OSBPL5: variants seen among roughly 807,000 people sequenced by gnomAD.
OSBPL5 encodes the protein oxysterol binding protein like 5.
A neutral mutation model predicts 111.2 loss-of-function variants in OSBPL5; 71 were observed. The observed-to-expected ratio is 0.64, with a 90% CI of 0.53 to 0.78. The LOEUF is 0.78. OSBPL5 is among the 30% of genes least tolerant of loss of function. The probability of loss-of-function intolerance (pLI) is 0.00; values close to 1 mark genes in which losing one functional copy is unlikely to be tolerated. For synonymous variants in OSBPL5, 549 were observed against 513.9 expected, an observed-to-expected ratio of 1.07 and a Z score of -0.93; for missense variants, 1,210 against 1,189.3, an observed-to-expected ratio of 1.02 and a Z score of -0.26.
At chr11:3,093,321 G>A (rs1857129520) in intron 17 of OSBPL5, 2 of 864,180 alleles carry the variant, frequency 2.3e-6, no homozygotes, top group East Asian at 2.7e-5. Context: ...GAGAGGTCAC[G>A]GCAGCCGGCT....
At position 3,113,706 on chromosome 11, in the gene OSBPL5, T is replaced by C. The variant is rs1858094535; in HGVS notation, c.692-5761A>G. Among the ~76,000 whole-genome samples the C allele has an allele frequency of 1.3e-5, 2 of 152,186 alleles. No homozygotes were observed. The highest frequency in any genetic ancestry group is 4.8e-5 in the African/African-American group (2 of 41,440). On this transcript the variant is annotated intron_variant, in intron 7 of 21. Transcript: ENST00000263650. This position sits in a 1 kb window ranked among gnomAD's most constrained non-coding sequence, Gnocchi z 4.8. Reference sequence around the variant, plus strand: ...AATAAAAATAGCTACATCTTAAATTTAGTAAGATTACCATAACTTCTAATC... The same window carrying C: ...AATAAAAATAGCTACATCTTAAATTCAGTAAGATTACCATAACTTCTAATC...
At position 3,113,242 on chromosome 11, in the gene OSBPL5, G is replaced by T. The variant is rs568796097; in HGVS notation, c.692-5297C>A. Among the ~76,000 whole-genome samples, 1 of 152,250 alleles carries T rather than the reference G, an allele frequency of 6.6e-6. No homozygotes were observed. Among genetic ancestry groups the T allele is most frequent in the South Asian group, 2.1e-4 (1 of 4,820 alleles). On this transcript the variant is annotated intron_variant, in intron 7 of 21. Coordinates refer to ENST00000263650, the MANE Select transcript of OSBPL5 (RefSeq NM_020896.4). The surrounding 1 kb of genome is among the most constrained non-coding windows in gnomAD (Gnocchi z 4.8). The stretch of plus-strand genomic sequence containing the variant: ...TAATATTAGAAATGTCTTAAGAATT[G>T]CCAGCATATATTTTTGTTTGCATTT...
rs1373657655 is a variant in OSBPL5 at position 3,146,870 on chromosome 11, T to C, written c.-21-17701A>G. On this transcript the variant is annotated intron_variant, in intron 1 of 21. Transcript: ENST00000263650. This position sits in a 1 kb window ranked among gnomAD's most constrained non-coding sequence, Gnocchi z 7.8. The stretch of plus-strand genomic sequence containing the variant: ...CTGGAGCTGGCGTTTCTATTTATGA[T>C]TCGCCTCTCACGCCCCTTCCCAGCA... Among the ~76,000 whole-genome samples, 1 of 152,158 alleles carries C rather than the reference T, an allele frequency of 6.6e-6. No homozygotes were observed. The highest frequency in any genetic ancestry group is 1.5e-5 in the Non-Finnish European group (1 of 68,022).
At position 3,142,265 on chromosome 11, in the gene OSBPL5, C is replaced by A. The variant is rs887984975; in HGVS notation, c.-21-13096G>T. Reference sequence around the variant, plus strand: ...AGAGAAGAAGCTGACTCGCCCAGGGCCACACGGCAGGTTGGTGCAGGAGGT... The same window carrying A: ...AGAGAAGAAGCTGACTCGCCCAGGGACACACGGCAGGTTGGTGCAGGAGGT... On this transcript the variant is annotated intron_variant, in intron 1 of 21. Transcript: ENST00000263650. The surrounding 1 kb of genome is among the most constrained non-coding windows in gnomAD (Gnocchi z 7.1). Among the ~76,000 whole-genome samples, 2 of 152,240 alleles carry A rather than the reference C, an allele frequency of 1.3e-5. No homozygotes were observed. Among genetic ancestry groups the A allele is most frequent in the Non-Finnish European group, 2.9e-5 (2 of 68,048 alleles).
chr11:3,107,550 T>C lies in OSBPL5; in HGVS notation c.867-95A>G, dbSNP rs1255144541. 2 of 1,440,644 alleles carry C rather than the reference T, an allele frequency of 1.4e-6. No homozygotes were observed. The highest frequency in any genetic ancestry group is 9.6e-7 in the Non-Finnish European group (1 of 1,043,020). 89.2% of individuals were successfully genotyped at this position (1,440,644 alleles called of 1,614,324 possible). A position where few individuals can be genotyped will look rare whatever the true frequency, so the allele number is the denominator to read the frequency against. The stretch of plus-strand genomic sequence containing the variant: ...ACCCCTCGCTGCTCCGCACTTCACA[T>C]ACGTTCCTGCCTGTCGTCACCTCCA... On this transcript the variant is annotated intron_variant, in intron 8 of 21. Coordinates refer to ENST00000263650, the MANE Select transcript of OSBPL5 (RefSeq NM_020896.4). This position sits in a 1 kb window ranked among gnomAD's most constrained non-coding sequence, Gnocchi z 6.1.
At chr11:3,097,995 G>A (rs1449254023) in intron 14 of OSBPL5, among the ~76,000 whole-genome samples, 1 of 152,154 alleles carries the variant, frequency 6.6e-6, no homozygotes. Context: ...TTGAACCCAG[G>A]TGGTGGAGGT....
At position 3,100,350 on chromosome 11, in the gene OSBPL5, C is replaced by A. The variant is rs1028146340; in HGVS notation, c.1523-94G>T. 4 of 1,027,374 alleles carry A rather than the reference C, an allele frequency of 3.9e-6. No homozygotes were observed. In the African/African-American group the frequency reaches 6.3e-5, roughly 16 times the overall value. The allele number at this position is 1,027,374 out of a possible 1,614,324, so 63.6% of individuals were successfully genotyped here. A position where few individuals can be genotyped will look rare whatever the true frequency, so the allele number is the denominator to read the frequency against. ...GTCACAGGGTCTGAGCTCCTTCCAACAGCTGAACACGCTCCTGGCACTTCC... is the reference window on the plus strand; with the variant it reads ...GTCACAGGGTCTGAGCTCCTTCCAAAAGCTGAACACGCTCCTGGCACTTCC... On this transcript the variant is annotated intron_variant, in intron 13 of 21. Transcript: ENST00000263650.
intron 1 of OSBPL5, among the ~76,000 whole-genome samples, chr11:3,150,069 C>T (rs760723010): frequency 2.0e-4 from 31 of 152,212 alleles, no homozygotes; most frequent in Non-Finnish European, 3.7e-4. Flanking sequence ...CGTACACACA[C>T]ACAGCAAATC....
chr11:3,097,800 C>CTCA (rs1344674726), intron 14 of OSBPL5, among the ~76,000 whole-genome samples: 1 of 152,214 alleles, frequency 6.6e-6, no homozygotes, highest in African/African-American at 2.4e-5. Context: ...AGCGCACTGG[C>CTCA]TCACACCTGT....
At chr11:3,093,455 G>A in intron 17 of OSBPL5, 72 bp downstream of exon 17, 5 of 1,574,904 alleles carry the variant, frequency 3.2e-6, no homozygotes, top group Non-Finnish European at 4.3e-6. Flanking sequence ...CAGCACTGTA[G>A]CCCTGCTGAC....
intron 10 of OSBPL5, among the ~76,000 whole-genome samples, chr11:3,103,886 C>CTCTTCCTGCCTGCG (rs1857600350): frequency 2.0e-5 from 1 of 50,596 alleles, no homozygotes. Context: ...CTCTGTAGCC[C>CTCTTCCTGCCTGCG]CATTCCTGCC....
rs1056810554 is a variant in OSBPL5 at position 3,103,274 on chromosome 11, G to A, written c.1291C>T (p.Arg431Trp). The A allele has an allele frequency of 2.5e-6, 4 of 1,608,072 alleles. No individual in the cohort carries two copies. The highest frequency in any genetic ancestry group is 2.7e-5 in the African/African-American group (2 of 74,772). ...DAYSRMKLVL[R>W]WYLSGFYKKP... Reference sequence around the variant, plus strand: ...TTGTAGAAGCCAGACAGGTACCACCGCAGCACCAGCTTCATGCGGCTGTAG... The same window carrying A: ...TTGTAGAAGCCAGACAGGTACCACCACAGCACCAGCTTCATGCGGCTGTAG... Residue 431 changes from arginine to tryptophan, a missense_variant, in exon 11 of 22, where the codon CGG becomes TGG. Coordinates refer to ENST00000263650, the MANE Select transcript of OSBPL5 (RefSeq NM_020896.4).
At chr11:3,112,051 GTGTGCATGTGTA>G (rs1378574254) in intron 7 of OSBPL5, among the ~76,000 whole-genome samples, 2 of 55,864 alleles carry the variant, frequency 3.6e-5, no homozygotes, top group Non-Finnish European at 8.5e-5. Flanking sequence ...GCGCGCATGT[GTGTGCATGTGTA>G]TGTGTGTGTG....
At chr11:3,103,888 A>AGCCCCTTTCCAGTCTGCGCAGCCCCC (rs1564830906) in intron 10 of OSBPL5, among the ~76,000 whole-genome samples, 1 of 102,884 alleles carries the variant, frequency 9.7e-6, no homozygotes, top group Admixed American at 9.5e-5. Context: ...CTGTAGCCCC[A>AGCCCCTTTCCAGTCTGCGCAGCCCCC]TTCCTGCCTC....
chr11:3,093,478 C>A, intron 17 of OSBPL5, 49 bp downstream of exon 17: 1 of 1,588,726 alleles, frequency 6.3e-7, no homozygotes, highest in Non-Finnish European at 8.5e-7. Flanking sequence ...GCCTGCTTGG[C>A]CATGTCAGGC....
rs755234496 is a variant in OSBPL5 at position 3,090,671 on chromosome 11, C to T, written c.2285G>A (p.Arg762His). The T allele has an allele frequency of 1.5e-5, 24 of 1,611,506 alleles. No homozygotes were observed. The highest frequency in any genetic ancestry group is 1.8e-5 in the Non-Finnish European group (21 of 1,179,670). ...HERSGPDQRL[R>H]KASDQPSGHS... ...GCCGGAGGGCTGGTCGCTGGCCTTGCGAAGCCGCTGGTCTGGGCCAGACCT... is the reference window on the plus strand; with the variant it reads ...GCCGGAGGGCTGGTCGCTGGCCTTGTGAAGCCGCTGGTCTGGGCCAGACCT... The change falls in exon 20 of 22, where the codon CGC (arginine) becomes CAC (histidine). Residue 762 changes from arginine to histidine, a missense_variant. Arg to His is a conservative substitution (Grantham distance 29, BLOSUM62 0). Coordinates refer to ENST00000263650, the MANE Select transcript of OSBPL5 (RefSeq NM_020896.4).
At chr11:3,151,664 G>A (rs78270361) in intron 1 of OSBPL5, among the ~76,000 whole-genome samples, 3,923 of 152,300 alleles carry the variant, frequency 0.026, 53 homozygotes, top group African/African-American at 0.038. Context: ...TGGGATCCCC[G>A]CTGAACACAC....
Position 3,090,773 on chromosome 11 carries a change from T to G in OSBPL5, c.2260-77A>C, listed in dbSNP as rs1001779833. 5.3e-6 allele frequency: 8 copies of G among 1,499,010 alleles called. No homozygotes were observed. In the East Asian group the frequency reaches 1.7e-4, roughly 32 times the overall value. The allele number at this position is 1,499,010 out of a possible 1,614,324, so 92.9% of individuals were successfully genotyped here. A position where few individuals can be genotyped will look rare whatever the true frequency, so the allele number is the denominator to read the frequency against. The stretch of plus-strand genomic sequence containing the variant: ...AGGCCCCAGGGACATGGTGGCATGC[T>G]TATGCCAGGACAGTGCTAGAGGTGG... On this transcript the variant is annotated intron_variant, in intron 19 of 21. Transcript: ENST00000263650.
At chr11:3,137,957 C>A (rs1845995435) in intron 1 of OSBPL5, among the ~76,000 whole-genome samples, 1 of 152,222 alleles carries the variant, frequency 6.6e-6, no homozygotes, top group Non-Finnish European at 1.5e-5. Context: ...AGGGGGAGGC[C>A]AGGCCTCCCT....
Sources: gnomAD v4.1 joint callset for allele counts (sites outside exome capture counted in the v4.1 genomes callset) on GRCh38, gnomAD v4.1.1 for gene constraint, Gnocchi (gnomAD v3.1) non-coding constraint, MANE v1.5 for transcripts, NCBI Gene and HGNC (gene_info 2026-07-23, HGNC 2026-07-21) for gene names.